Variants in ARHGAP42 observed in about 807,000 individuals in gnomAD.
The protein encoded by ARHGAP42 is Rho GTPase activating protein 42.
ARHGAP42 carries 63 observed loss-of-function variants against 125.0 expected under a neutral mutation model. That is an observed-to-expected ratio of 0.50 (90% CI 0.41 to 0.62). The LOEUF is 0.62. Among genes scored for constraint, ARHGAP42 ranks in the 20% least tolerant of loss-of-function variants. The pLI is 0.00. For synonymous variants in ARHGAP42, 339 were observed against 351.0 expected, an observed-to-expected ratio of 0.97 and a Z score of 0.38; for missense variants, 766 against 1,024.2, an observed-to-expected ratio of 0.75 and a Z score of 3.44.
intron 4 of ARHGAP42, among the ~76,000 whole-genome samples, chr11:100,888,281 A>C (rs780781084): frequency 2.6e-5 from 4 of 151,936 alleles, no homozygotes; most frequent in Non-Finnish European, 5.9e-5. Context: ...GTGTATCCCC[A>C]GGCCCTGTAA....
At position 100,993,288 on chromosome 11, in the gene ARHGAP42, TA is replaced by T. The variant is rs1439522902; in HGVS notation, c.*4492del. The T allele has an allele frequency of 1.2e-5, 2 of 167,160 alleles. No individual in the cohort carries two copies. The highest frequency in any genetic ancestry group is 1.9e-4 in the East Asian group (1 of 5,196). 10.4% of individuals were successfully genotyped at this position (167,160 alleles called of 1,614,324 possible). A position where few individuals can be genotyped will look rare whatever the true frequency, so the allele number is the denominator to read the frequency against. On this transcript the variant is annotated 3_prime_UTR_variant, in exon 24 of 24. Coordinates refer to ENST00000298815, the MANE Select transcript of ARHGAP42 (RefSeq NM_152432.4). ...ATTTTATATAAAGATGCATTTTATA[TA>T]AAAATGCACACCTTTAATCTCTATA...
At chr11:100,922,239 C>T (rs1348420195) in intron 6 of ARHGAP42, among the ~76,000 whole-genome samples, 1 of 152,174 alleles carries the variant, frequency 6.6e-6, no homozygotes, top group African/African-American at 2.4e-5. Flanking sequence ...CCCTTCCTCA[C>T]AGGGCTCGGA....
chr11:100,745,111 G>C (rs1263785491), intron 1 of ARHGAP42, among the ~76,000 whole-genome samples: 2 of 152,148 alleles, frequency 1.3e-5, no homozygotes, highest in Non-Finnish European at 2.9e-5. Context: ...AATGAGTCAG[G>C]GTGGAGCAGG....
At chr11:100,945,765 G>T (rs1180388151) in intron 10 of ARHGAP42, among the ~76,000 whole-genome samples, 1 of 152,048 alleles carries the variant, frequency 6.6e-6, no homozygotes, top group African/African-American at 2.4e-5. Context: ...AGCCTTTATT[G>T]TTCCATTTGT....
At chr11:100,704,602 G>C (rs1368355734) in intron 1 of ARHGAP42, among the ~76,000 whole-genome samples, 1 of 151,870 alleles carries the variant, frequency 6.6e-6, no homozygotes, top group East Asian at 1.9e-4. Flanking sequence ...GATATCCACC[G>C]GTAAGAGGGG....
rs570437805 is a variant in ARHGAP42, at chr11:100,740,888, T to C, written c.155-29455T>C. 6.6e-5 allele frequency among the ~76,000 whole-genome samples: 10 copies of C among 152,298 alleles called. No homozygotes were observed. In the South Asian group the frequency reaches 2.1e-3, roughly 32 times the overall value. Reference sequence around the variant, plus strand: ...AGAATAAAGAGGGTATCTGTGGTTATACTTTAATTAGTTATTCCTGGAGAG... The same window carrying C: ...AGAATAAAGAGGGTATCTGTGGTTACACTTTAATTAGTTATTCCTGGAGAG... On this transcript the variant is annotated intron_variant, in intron 1 of 23. Coordinates refer to ENST00000298815, the MANE Select transcript of ARHGAP42 (RefSeq NM_152432.4).
chr11:100,928,017 CATCTAT>C, intron 6 of ARHGAP42, among the ~76,000 whole-genome samples: 1 of 152,158 alleles, frequency 6.6e-6, no homozygotes, highest in Non-Finnish European at 1.5e-5. Flanking sequence ...CTCCTTTGCA[CATCTAT>C]GCATTAGACT....
chr11:100,895,109 T>C (rs1866318466), intron 4 of ARHGAP42, among the ~76,000 whole-genome samples: 1 of 152,204 alleles, frequency 6.6e-6, no homozygotes, highest in Non-Finnish European at 1.5e-5. Context: ...TCTTACATGA[T>C]AGAGAGGAGG....
At chr11:100,969,057 G>C (rs1169256611) in intron 17 of ARHGAP42, among the ~76,000 whole-genome samples, 1 of 152,064 alleles carries the variant, frequency 6.6e-6, no homozygotes, top group Non-Finnish European at 1.5e-5. Flanking sequence ...CTAGCAATAA[G>C]TTCTCTCAAT....
intron 5 of ARHGAP42, among the ~76,000 whole-genome samples, 184 bp downstream of exon 5, chr11:100,913,737 G>T (rs1866990436): frequency 6.6e-6 from 1 of 151,736 alleles, no homozygotes. Context: ...CCAAGTGAAG[G>T]ATCAATATTT....
chr11:100,990,553 T>TA lies in ARHGAP42; in HGVS notation c.*1755dup, dbSNP rs1431262288. Reference sequence around the variant, plus strand: ...TGTAATAAAAATTAGCAATGTAATGTAAACGTTTGATAAAAGAGTATCTTT... The same window carrying TA: ...TGTAATAAAAATTAGCAATGTAATGTAAAACGTTTGATAAAAGAGTATCTTT... On this transcript the variant is annotated 3_prime_UTR_variant, in exon 24 of 24. Coordinates refer to ENST00000298815, the MANE Select transcript of ARHGAP42 (RefSeq NM_152432.4). The TA allele has an allele frequency of 6.6e-6, 1 of 152,240 alleles. No individual in the cohort carries two copies. The highest frequency in any genetic ancestry group is 1.5e-5 in the Non-Finnish European group (1 of 68,018). The allele number at this position is 152,240 out of a possible 1,614,324, so 9.4% of individuals were successfully genotyped here. A position where few individuals can be genotyped will look rare whatever the true frequency, so the allele number is the denominator to read the frequency against.
chr11:100,831,122 G>A (rs925771679), intron 3 of ARHGAP42, among the ~76,000 whole-genome samples: 16 of 152,028 alleles, frequency 1.1e-4, no homozygotes, highest in African/African-American at 3.1e-4. Context: ...TTCTAATCAC[G>A]TGAGCTTGGG....
At chr11:100,977,151 G>A (rs948200573) in intron 21 of ARHGAP42, among the ~76,000 whole-genome samples, 180 bp downstream of exon 21, 2 of 152,128 alleles carry the variant, frequency 1.3e-5, no homozygotes, top group South Asian at 2.1e-4. Flanking sequence ...GGAAGTCTTC[G>A]GATATGGACA....
intron 1 of ARHGAP42, among the ~76,000 whole-genome samples, chr11:100,763,779 C>T (rs566883909): frequency 4.6e-5 from 7 of 152,170 alleles, no homozygotes. Context: ...CGTGAGCCAC[C>T]GTGCCCGGCT....
At chr11:100,913,060 G>T (rs563251950) in intron 4 of ARHGAP42, among the ~76,000 whole-genome samples, 2 of 152,066 alleles carry the variant, frequency 1.3e-5, no homozygotes, top group East Asian at 3.9e-4. Context: ...GCCTAAAAAA[G>T]ACATTTTTCT....
chr11:100,837,666 C>CTTTTTTTTTTTTTTT lies in ARHGAP42; in HGVS notation c.313-21871_313-21857dup, dbSNP rs373059302. On this transcript the variant is annotated intron_variant, in intron 3 of 23. Transcript: ENST00000298815. Reference sequence around the variant, plus strand: ...CAGTTCCCAGAATCTAGGTGTCATCCTTTTTTTTTTTTTTTTTTTTTTTTT... The same window carrying CTTTTTTTTTTTTTTT: ...CAGTTCCCAGAATCTAGGTGTCATCCTTTTTTTTTTTTTTTTTTTTTTTTTTTTTTTTTTTTTTTT... 6.5e-3 allele frequency among the ~76,000 whole-genome samples: 393 copies of CTTTTTTTTTTTTTTT among 60,724 alleles called. 44 individuals carry two copies. The highest frequency in any genetic ancestry group is 0.011 in the South Asian group (15 of 1,372). The allele number at this position is 60,724 out of a possible 152,430, so 39.8% of individuals were successfully genotyped here.
At chr11:100,768,032 G>A (rs902801680) in intron 1 of ARHGAP42, among the ~76,000 whole-genome samples, 2 of 152,106 alleles carry the variant, frequency 1.3e-5, no homozygotes, top group Non-Finnish European at 2.9e-5. Context: ...GAGTGCCCAC[G>A]TTGATAGGTA....
At chr11:100,793,243 T>G (rs1863615135) in intron 2 of ARHGAP42, among the ~76,000 whole-genome samples, 1 of 152,186 alleles carries the variant, frequency 6.6e-6, no homozygotes, top group African/African-American at 2.4e-5. Flanking sequence ...ATGGAATACT[T>G]TAACCAAAAG....
intron 3 of ARHGAP42, among the ~76,000 whole-genome samples, chr11:100,852,399 A>C (rs1865225534): frequency 1.3e-5 from 2 of 152,200 alleles, no homozygotes; most frequent in Non-Finnish European, 2.9e-5. Context: ...GTTTGCTTAA[A>C]TTCACGAATG....
Sources: allele counts gnomAD v4.1 joint callset (sites outside exome capture counted in the v4.1 genomes callset), GRCh38; gene constraint gnomAD v4.1.1; transcripts MANE v1.5; gene names NCBI Gene and HGNC (gene_info 2026-07-23, HGNC 2026-07-21).